The following FAAH2 variants were observed in gnomAD, a reference collection of about 807,000 sequenced individuals.
The protein encoded by FAAH2 is fatty-acid amide hydrolase 2.
A neutral mutation model predicts 36.9 loss-of-function variants in FAAH2; 60 were observed. That is an observed-to-expected ratio of 1.63 (90% CI 1.32 to 2.02). The LOEUF is 2.02. Ranked by LOEUF, FAAH2 falls within the 30% of genes most tolerant of loss-of-function variation. The probability of loss-of-function intolerance (pLI) is 0.00; values close to 1 mark genes in which losing one functional copy is unlikely to be tolerated. For missense variants in FAAH2, 689 were observed against 397.5 expected (o/e 1.73, Z -6.23); for synonymous variants, 214 against 143.8 (o/e 1.49, Z -3.49).
the FAAH2 span, among the ~76,000 whole-genome samples, chrX:57,176,242 A>G: frequency 4.8e-5 from 5 of 103,097 alleles, no homozygotes; most frequent in Non-Finnish European, 9.8e-5. Flanking sequence ...GTATAATCCC[A>G]TATTTTTTGG....
At chrX:57,485,374 G>A (rs1372298200) in intron 10 of FAAH2, among the ~76,000 whole-genome samples, 1 of 111,199 alleles carries the variant, frequency 9.0e-6, no homozygotes, top group Non-Finnish European at 1.9e-5. Flanking sequence ...CAGGGGCAGG[G>A]GAAGGTGCAC....
the FAAH2 span, among the ~76,000 whole-genome samples, chrX:57,198,954 T>G: frequency 8.9e-6 from 1 of 111,948 alleles, no homozygotes; most frequent in Non-Finnish European, 1.9e-5. Context: ...TTTTGTGGTG[T>G]TTTATGGAGT....
chrX:57,314,652 A>C (rs1159100379), intron 3 of FAAH2, among the ~76,000 whole-genome samples: 1 of 111,466 alleles, frequency 9.0e-6, no homozygotes, highest in Non-Finnish European at 1.9e-5. Context: ...TTAAGGCATA[A>C]ATCAAAAAAA....
At chrX:57,265,949 G>C in the FAAH2 span, among the ~76,000 whole-genome samples, 2 of 111,780 alleles carry the variant, frequency 1.8e-5, no homozygotes, top group African/African-American at 6.5e-5. Context: ...CTGGCTGACA[G>C]AGGTTTCAGA....
chrX:57,483,197 G>T (rs965198030), intron 10 of FAAH2, among the ~76,000 whole-genome samples: 2 of 111,172 alleles, frequency 1.8e-5, no homozygotes, highest in African/African-American at 3.3e-5. Context: ...CAAAGACTTT[G>T]TTCCATTTTT....
At chrX:57,423,478 T>C (rs2056085900) in intron 7 of FAAH2, among the ~76,000 whole-genome samples, 1 of 111,608 alleles carries the variant, frequency 9.0e-6, no homozygotes, top group Admixed American at 9.5e-5. Context: ...AAACTGTTTG[T>C]GTCTCGTCTG....
chrX:57,396,309 C>A (rs1166600555), intron 7 of FAAH2, among the ~76,000 whole-genome samples: 1 of 106,292 alleles, frequency 9.4e-6, no homozygotes, highest in South Asian at 4.0e-4. Context: ...TTATTTTAAT[C>A]TTAATTTCAT....
At chrX:57,187,875 C>T in the FAAH2 span, among the ~76,000 whole-genome samples, 37,517 of 110,612 alleles carry the variant, frequency 0.34, 5,218 homozygotes, top group Middle Eastern at 0.61. Context: ...TATCTATTTG[C>T]TTATGTTGAA....
the FAAH2 span, among the ~76,000 whole-genome samples, chrX:57,148,352 C>T: frequency 9.0e-6 from 1 of 111,637 alleles, no homozygotes; most frequent in Non-Finnish European, 1.9e-5. Context: ...TTACCTTGGG[C>T]ATTAAGGCCA....
chrX:57,348,336 C>T (rs1158855490), intron 5 of FAAH2, among the ~76,000 whole-genome samples: 1 of 111,067 alleles, frequency 9.0e-6, no homozygotes, highest in African/African-American at 3.3e-5. Flanking sequence ...CCAACATGAG[C>T]ACATAATGCT....
At chrX:57,443,999 T>C (rs1474670102) in intron 8 of FAAH2, among the ~76,000 whole-genome samples, 1 of 111,945 alleles carries the variant, frequency 8.9e-6, no homozygotes, top group East Asian at 2.8e-4. Flanking sequence ...CATCCAGCTC[T>C]GTAAGATGTC....
At chrX:57,149,811 G>C in the FAAH2 span, among the ~76,000 whole-genome samples, 1 of 111,223 alleles carries the variant, frequency 9.0e-6, no homozygotes, top group African/African-American at 3.3e-5. Flanking sequence ...GCTTTTGAAT[G>C]TGTTTGCTCT....
intron 2 of FAAH2, among the ~76,000 whole-genome samples, chrX:57,297,151 T>C (rs1455564659): frequency 9.4e-6 from 1 of 106,193 alleles, no homozygotes; most frequent in African/African-American, 3.5e-5. Flanking sequence ...CAAATAATTG[T>C]CAGATTCACC....
At chrX:57,412,717 A>G (rs185685908) in intron 7 of FAAH2, among the ~76,000 whole-genome samples, 4 of 112,077 alleles carry the variant, frequency 3.6e-5, no homozygotes, top group African/African-American at 9.7e-5. Flanking sequence ...AGAATAATCT[A>G]TAATCCTTTG....
the FAAH2 span, among the ~76,000 whole-genome samples, chrX:57,182,161 C>T: frequency 8.9e-6 from 1 of 112,069 alleles, no homozygotes; most frequent in Non-Finnish European, 1.9e-5. Flanking sequence ...GAATATCATT[C>T]TGGGCATAGG....
chrX:57,334,805 A>G, intron 4 of FAAH2, among the ~76,000 whole-genome samples: 1 of 111,625 alleles, frequency 9.0e-6, no homozygotes. Context: ...AAGGGCAAAT[A>G]TTAAAGTAAC....
the FAAH2 span, among the ~76,000 whole-genome samples, chrX:57,170,086 T>G: frequency 8.9e-6 from 1 of 111,780 alleles, no homozygotes; most frequent in East Asian, 2.8e-4. Flanking sequence ...TTCTTCCACC[T>G]CAGCCTCTTG....
chrX:57,379,157 C>G (rs1313751024), intron 6 of FAAH2, among the ~76,000 whole-genome samples: 1 of 111,704 alleles, frequency 9.0e-6, no homozygotes, highest in African/African-American at 3.2e-5. Context: ...ATCAACGCTG[C>G]TTGGAAATTG....
At chrX:57,408,209 T>G (rs868224831) in intron 7 of FAAH2, among the ~76,000 whole-genome samples, 52 of 111,212 alleles carry the variant, frequency 4.7e-4, no homozygotes, top group Middle Eastern at 4.7e-3. Flanking sequence ...TTCATTTGAA[T>G]TTTGATAGCA....
Sources: allele counts gnomAD v4.1 joint callset (sites outside exome capture counted in the v4.1 genomes callset), GRCh38; gene constraint gnomAD v4.1.1; transcripts MANE v1.5; gene names NCBI Gene and HGNC (gene_info 2026-07-23, HGNC 2026-07-21).